PHLDB2: variants seen among roughly 807,000 people sequenced by gnomAD.
PHLDB2 encodes the protein pleckstrin homology-like domain family B member 2.
A neutral mutation model predicts 123.6 loss-of-function variants in PHLDB2; 71 were observed. The ratio of observed to expected loss-of-function variants is 0.57; its 90% confidence interval spans 0.47 to 0.70. PHLDB2 has a LOEUF of 0.70. Ranked by LOEUF, PHLDB2 falls within the 30% of genes least tolerant of loss-of-function variation. The probability of loss-of-function intolerance (pLI) is 0.00; values close to 1 mark genes in which losing one functional copy is unlikely to be tolerated. For missense variants in PHLDB2, 1,446 were observed against 1,519.5 expected, an observed-to-expected ratio of 0.95 and a Z score of 0.80; for synonymous variants, 547 against 541.6, an observed-to-expected ratio of 1.01 and a Z score of -0.14.
intron 5 of PHLDB2, among the ~76,000 whole-genome samples, chr3:111,929,178 A>G (rs1053547846): frequency 6.6e-6 from 1 of 152,200 alleles, no homozygotes; most frequent in African/African-American, 2.4e-5. Flanking sequence ...AGATGGGAGA[A>G]TCACTTGATC....
chr3:111,852,145 A>T, intron 2 of PHLDB2, among the ~76,000 whole-genome samples: 1 of 151,358 alleles, frequency 6.6e-6, no homozygotes, highest in Middle Eastern at 3.4e-3. Flanking sequence ...AACATTCCTC[A>T]TGTTCTGAAT....
rs537702359 is a variant in PHLDB2, at chr3:111,936,767, A to T, written c.2131-2708A>T. Reference sequence around the variant, plus strand: ...AGTCATATGGCCACTTTGAATGAAGATTACTTATAAGCCAGAAAAAGGGCT... The same window carrying T: ...AGTCATATGGCCACTTTGAATGAAGTTTACTTATAAGCCAGAAAAAGGGCT... On this transcript the variant is annotated intron_variant, in intron 6 of 17. Transcript: ENST00000431670. 5.3e-5 allele frequency among the ~76,000 whole-genome samples: 8 copies of T among 152,274 alleles called. No homozygotes were observed. The East Asian group carries it at 1.5e-3, about 29-fold the overall frequency.
At chr3:111,929,833 A>G (rs2069013522) in intron 5 of PHLDB2, among the ~76,000 whole-genome samples, 2 of 152,058 alleles carry the variant, frequency 1.3e-5, no homozygotes. Flanking sequence ...CTGCTTGCAT[A>G]TTCTTCTAGA....
intron 1 of PHLDB2, chr3:111,860,004 T>C (rs1196907912): frequency 1.7e-6 from 1 of 595,902 alleles, no homozygotes; most frequent in Non-Finnish European, 2.1e-6. Flanking sequence ...AACCCCGTTG[T>C]GCATGACTCT....
chr3:111,806,024 A>G (rs1384913380), intron 1 of PHLDB2, among the ~76,000 whole-genome samples: 3 of 129,612 alleles, frequency 2.3e-5, no homozygotes, highest in Non-Finnish European at 5.1e-5. Context: ...TTAAATGGGT[A>G]CATAAAAAAA....
intron 1 of PHLDB2, among the ~76,000 whole-genome samples, chr3:111,837,679 T>A (rs1239350205): frequency 6.6e-6 from 1 of 152,184 alleles, no homozygotes; most frequent in East Asian, 1.9e-4. Context: ...ACACAATTTC[T>A]CAAAGCTAAT....
intron 1 of PHLDB2, among the ~76,000 whole-genome samples, chr3:111,807,703 G>A (rs140231095): frequency 9.1e-4 from 139 of 152,240 alleles, no homozygotes; most frequent in African/African-American, 2.6e-3. Flanking sequence ...AGGCTGCAGT[G>A]AGCTATGATG....
chr3:111,973,255 C>A (rs577897386), intron 16 of PHLDB2, among the ~76,000 whole-genome samples: 1 of 151,244 alleles, frequency 6.6e-6, no homozygotes, highest in South Asian at 2.1e-4. Context: ...AAATCACGCA[C>A]CCTGAATAAG....
intron 15 of PHLDB2, among the ~76,000 whole-genome samples, 181 bp downstream of exon 15, chr3:111,968,005 G>C (rs1345129350): frequency 4.4e-5 from 6 of 137,364 alleles, no homozygotes; most frequent in African/African-American, 1.3e-4. Context: ...AAAAATGTGA[G>C]TTCATTTCAA....
chr3:111,811,597 C>T (rs972216563), intron 1 of PHLDB2, among the ~76,000 whole-genome samples: 1 of 152,136 alleles, frequency 6.6e-6, no homozygotes, highest in Non-Finnish European at 1.5e-5. Flanking sequence ...TAATTATTTA[C>T]TGGCACCCTA....
chr3:111,877,760 G>T (rs886561618), intron 1 of PHLDB2, among the ~76,000 whole-genome samples: 1 of 152,172 alleles, frequency 6.6e-6, no homozygotes, highest in African/African-American at 2.4e-5. Flanking sequence ...GTAAAGAAGG[G>T]ATCCAGTTTC....
At chr3:111,749,451 G>T (rs4308247) in intron 1 of PHLDB2, among the ~76,000 whole-genome samples, 142,660 of 152,332 alleles carry the variant, frequency 0.94, 66,848 homozygotes, top group East Asian at 1. Context: ...AGCAAGATTT[G>T]TATGTTTTGT....
chr3:111,794,818 C>A (rs2061084496), intron 1 of PHLDB2, among the ~76,000 whole-genome samples: 1 of 152,126 alleles, frequency 6.6e-6, no homozygotes, highest in Non-Finnish European at 1.5e-5. Context: ...TTGCTTGAGG[C>A]CTGCTCACTT....
chr3:111,944,031 A>G (rs2070106155), intron 8 of PHLDB2, among the ~76,000 whole-genome samples: 1 of 152,244 alleles, frequency 6.6e-6, no homozygotes, highest in African/African-American at 2.4e-5. Context: ...GTATATTTAT[A>G]TAATACAGGA....
chr3:111,864,397 C>T (rs2064971667), intron 1 of PHLDB2, among the ~76,000 whole-genome samples: 1 of 151,872 alleles, frequency 6.6e-6, no homozygotes, highest in Admixed American at 6.6e-5. Context: ...TTTTCAAATC[C>T]CTTCAAAGTA....
At chr3:111,774,728 G>A (rs1488942838) in intron 1 of PHLDB2, among the ~76,000 whole-genome samples, 1 of 152,096 alleles carries the variant, frequency 6.6e-6, no homozygotes, top group African/African-American at 2.4e-5. Context: ...AATTTACTAG[G>A]CCCCAAATTC....
chr3:111,911,685 G>A (rs769768581), intron 2 of PHLDB2: 23 of 1,536,206 alleles, frequency 1.5e-5, no homozygotes, highest in Admixed American at 5.9e-5. Context: ...TGAGGACGGA[G>A]CTGCAGCTGG....
chr3:111,891,127 A>C (rs1221424070), intron 2 of PHLDB2, among the ~76,000 whole-genome samples: 1 of 152,090 alleles, frequency 6.6e-6, no homozygotes, highest in Non-Finnish European at 1.5e-5. Flanking sequence ...GAGGACATTA[A>C]TGGATAAGGT....
intron 16 of PHLDB2, among the ~76,000 whole-genome samples, chr3:111,970,785 T>C (rs775941244): frequency 3.9e-5 from 6 of 152,178 alleles, no homozygotes; most frequent in Non-Finnish European, 8.8e-5. Context: ...AACCCTGTTT[T>C]GGGGTGACTG....
Sources: gnomAD v4.1 joint callset for allele counts (sites outside exome capture counted in the v4.1 genomes callset) on GRCh38, gnomAD v4.1.1 for gene constraint, MANE v1.5 for transcripts, NCBI Gene and HGNC (gene_info 2026-07-23, HGNC 2026-07-21) for gene names.